ARID1B: variants seen among roughly 807,000 people sequenced by gnomAD.
ARID1B encodes AT-rich interaction domain 1B.
ARID1B carries 30 observed loss-of-function variants against 212.3 expected under a neutral mutation model. The observed-to-expected ratio is 0.14, with a 90% CI of 0.11 to 0.19. The LOEUF (loss-of-function observed/expected upper bound fraction) is 0.19, where lower values mean the gene tolerates loss of function less well. Ranked by LOEUF, ARID1B falls within the 10% of genes least tolerant of loss-of-function variation. The probability of loss-of-function intolerance (pLI) is 1.00; values close to 1 mark genes in which losing one functional copy is unlikely to be tolerated. For synonymous variants in ARID1B, 1,402 were observed against 1,301.7 expected (o/e 1.08, Z -1.66); for missense variants, 2,891 against 3,204.0 (o/e 0.90, Z 2.36).
intron 2 of ARID1B, among the ~76,000 whole-genome samples, chr6:156,882,956 A>G (rs1038635838): frequency 2.6e-5 from 4 of 152,252 alleles, no homozygotes; most frequent in Non-Finnish European, 5.9e-5. Context: ...AAGTAAGGTT[A>G]TGATAAAATC....
Position 157,174,072 on chromosome 6 carries a change from A to C in ARID1B, c.3300A>C (p.Ala1100=). 6.2e-7 allele frequency: 1 copy of C among 1,614,194 alleles called. No individual in the cohort carries two copies. The highest frequency in any genetic ancestry group is 8.5e-7 in the Non-Finnish European group (1 of 1,180,030). Residue 1100 remains alanine (A), a synonymous_variant, in exon 10 of 20, where the codon GCA becomes GCC. Coordinates refer to ENST00000636930, the MANE Select transcript of ARID1B (RefSeq NM_001374828.1). ...GESKLPLPLK[A]DGKEEGTPQP... ...CCAAACTGCCCCTGCCTCTCAAAGC[A>C]GACGGCAAAGAAGAAGGCACTCCAC...
intron 4 of ARID1B, among the ~76,000 whole-genome samples, chr6:157,039,838 TTCTCTCTCTTTC>T (rs1295730788): frequency 4.3e-4 from 44 of 101,340 alleles, no homozygotes; most frequent in Non-Finnish European, 5.7e-4. Flanking sequence ...CTCTCTTTCT[TTCTCTCTCTTTC>T]TCTCTCTTTC....
At chr6:156,874,615 G>C (rs1337088065) in intron 2 of ARID1B, among the ~76,000 whole-genome samples, 2 of 152,118 alleles carry the variant, frequency 1.3e-5, no homozygotes, top group African/African-American at 4.8e-5. Flanking sequence ...GGTCCTCTCT[G>C]TGCTGGCTCC....
chr6:156,877,072 C>G (rs1786622838), intron 2 of ARID1B, among the ~76,000 whole-genome samples: 1 of 150,058 alleles, frequency 6.7e-6, no homozygotes, highest in South Asian at 2.1e-4. Context: ...TTTTTCTGGC[C>G]AATATACTCT....
intron 4 of ARID1B, among the ~76,000 whole-genome samples, chr6:156,981,002 T>C (rs1018670212): frequency 3.9e-5 from 6 of 152,242 alleles, no homozygotes; most frequent in African/African-American, 1.4e-4. Context: ...TAAACATCTG[T>C]GTAATCATGG....
intron 1 of ARID1B, among the ~76,000 whole-genome samples, chr6:156,807,199 C>T (rs1340717127): frequency 6.7e-6 from 1 of 148,860 alleles, no homozygotes; most frequent in Non-Finnish European, 1.5e-5. Flanking sequence ...TCTCTAGCAT[C>T]TCAGCTAACA....
chr6:156,835,239 C>CAAAA (rs58070286), intron 2 of ARID1B, among the ~76,000 whole-genome samples: 70 of 107,596 alleles, frequency 6.5e-4, no homozygotes, highest in African/African-American at 2.0e-3. Context: ...GACTCTGTCA[C>CAAAA]AAAAAAAAAA....
At chr6:157,046,656 TG>T (rs1782262193) in intron 4 of ARID1B, among the ~76,000 whole-genome samples, 1 of 152,202 alleles carries the variant, frequency 6.6e-6, no homozygotes, top group African/African-American at 2.4e-5. Context: ...CTTGTTGTCT[TG>T]GGAAAAATAG....
chr6:156,932,563 T>A (rs1791836323), intron 3 of ARID1B, among the ~76,000 whole-genome samples: 1 of 152,246 alleles, frequency 6.6e-6, no homozygotes, highest in Admixed American at 6.5e-5. Flanking sequence ...TAAAATATGA[T>A]GCTGAACATA....
intron 4 of ARID1B, among the ~76,000 whole-genome samples, chr6:156,996,076 T>A (rs920736045): frequency 6.6e-6 from 1 of 152,226 alleles, no homozygotes; most frequent in Non-Finnish European, 1.5e-5. Context: ...ATCCTTTGAC[T>A]CTGTAGCAAA....
chr6:157,126,588 G>T (rs1396212128), intron 6 of ARID1B, among the ~76,000 whole-genome samples: 1 of 152,084 alleles, frequency 6.6e-6, no homozygotes, highest in Admixed American at 6.6e-5. Flanking sequence ...GAACCCTGGT[G>T]CAGATTTATG....
intron 7 of ARID1B, among the ~76,000 whole-genome samples, chr6:157,145,582 C>T (rs933134788): frequency 6.6e-6 from 1 of 152,164 alleles, no homozygotes; most frequent in Non-Finnish European, 1.5e-5. Flanking sequence ...GCAGAGGTCT[C>T]TTGCAGATTT....
chr6:157,175,756 A>G (rs1792055953), intron 11 of ARID1B: 1 of 152,146 alleles, frequency 6.6e-6, no homozygotes. Flanking sequence ...TGACCCTAGA[A>G]GTGGGCCTTT....
At chr6:156,882,829 A>G (rs1787207660) in intron 2 of ARID1B, among the ~76,000 whole-genome samples, 1 of 152,194 alleles carries the variant, frequency 6.6e-6, no homozygotes, top group African/African-American at 2.4e-5. Context: ...ACATTTTATA[A>G]TGAGGTCTGT....
intron 4 of ARID1B, among the ~76,000 whole-genome samples, chr6:157,007,928 G>A (rs1202257164): frequency 6.6e-6 from 1 of 151,976 alleles, no homozygotes; most frequent in South Asian, 2.1e-4. Context: ...CGCCCACCTC[G>A]GCCTCCCAAA....
In ARID1B at chr6:156,856,518, G is replaced by T. The variant is rs539442893; in HGVS notation, c.1986+27097G>T. Among the ~76,000 whole-genome samples the T allele has an allele frequency of 2.6e-5, 4 of 152,200 alleles. No homozygotes were observed. In the East Asian group the frequency reaches 7.7e-4, roughly 29 times the overall value. The stretch of plus-strand genomic sequence containing the variant: ...CAAGTATTTCTAGTGGAGAAGCCGG[G>T]GTTGCATCCAGACTCTGACCTTAAC... On this transcript the variant is annotated intron_variant, in intron 2 of 19. Transcript: ENST00000636930.
At chr6:156,865,964 T>A (rs1226701071) in intron 2 of ARID1B, among the ~76,000 whole-genome samples, 1 of 152,180 alleles carries the variant, frequency 6.6e-6, no homozygotes, top group African/African-American at 2.4e-5. Flanking sequence ...CTTGCCCTTT[T>A]CTGTTTGTTT....
intron 5 of ARID1B, among the ~76,000 whole-genome samples, chr6:157,097,829 A>G (rs532722960): frequency 2.0e-5 from 3 of 152,326 alleles, no homozygotes; most frequent in South Asian, 4.1e-4. Flanking sequence ...CCTTTGTGTC[A>G]TAAGAACTGC....
Position 156,840,390 on chromosome 6 carries a change from G to A in ARID1B, c.1986+10969G>A, listed in dbSNP as rs114165353. ...TGAACCTCACTTGTCTGATCCTCCC[G>A]TTAGAACATATGGCCTAGGCCGGCA... On this transcript the variant is annotated intron_variant, in intron 2 of 19. Coordinates refer to ENST00000636930, the MANE Select transcript of ARID1B (RefSeq NM_001374828.1). Among the ~76,000 whole-genome samples, 876 of 152,258 alleles carry A rather than the reference G, an allele frequency of 5.8e-3. 4 individuals carry two copies. Among genetic ancestry groups the A allele is most frequent in the African/African-American group, 0.019 (793 of 41,524 alleles).
Sources: gnomAD v4.1 joint callset for allele counts (sites outside exome capture counted in the v4.1 genomes callset) on GRCh38, gnomAD v4.1.1 for gene constraint, MANE v1.5 for transcripts, NCBI Gene and HGNC (gene_info 2026-07-23, HGNC 2026-07-21) for gene names.